Variants in ATP8B1 observed in about 807,000 individuals in gnomAD.
The protein encoded by ATP8B1 is phospholipid-transporting ATPase IC.
In ATP8B1, 80 loss-of-function variants were observed where a neutral mutation model predicts 149.9. The ratio of observed to expected loss-of-function variants is 0.53; its 90% confidence interval spans 0.45 to 0.64. ATP8B1 has a LOEUF of 0.64. Ranked by LOEUF, ATP8B1 falls within the 30% of genes least tolerant of loss-of-function variation. The probability of loss-of-function intolerance (pLI) is 0.00; values close to 1 mark genes in which losing one functional copy is unlikely to be tolerated. For missense variants in ATP8B1, 1,247 were observed against 1,552.6 expected (o/e 0.80, Z 3.31); for synonymous variants, 536 against 562.8 (o/e 0.95, Z 0.67).
chr18:57,772,379 T>C (rs2080270820), intron 1 of ATP8B1, among the ~76,000 whole-genome samples: 1 of 151,664 alleles, frequency 6.6e-6, no homozygotes, highest in African/African-American at 2.4e-5. Context: ...AGATAGAAAG[T>C]GAGAGGAGAA....
intron 1 of ATP8B1, among the ~76,000 whole-genome samples, chr18:57,756,291 G>GTATATATATATATA (rs1250184376): frequency 7.4e-4 from 20 of 27,176 alleles, no homozygotes; most frequent in African/African-American, 3.6e-3. Flanking sequence ...ATATATATGT[G>GTATATATATATATA]TGTGTGTATG....
rs775941339 is a variant in ATP8B1, at chr18:57,684,189, C to T, written c.1477G>A (p.Val493Ile). 5.6e-6 allele frequency: 9 copies of T among 1,613,562 alleles called. No homozygotes were observed. In the East Asian group the frequency reaches 2.0e-4, roughly 36 times the overall value. ...GCATATGTATTCCAGCTAAAATCAA[C>T]TTGCTGAAAGAAATGGAGAAAAACA... ...SQHNHNKIEQ[V>I]DFSWNTYADG... Residue 493 changes from valine to isoleucine, a missense_variant, in exon 15 of 28, where the codon GTT (valine) becomes ATT (isoleucine). Val to Ile is a conservative substitution (Grantham distance 29). This residue lies in a region of ATP8B1 where 853 missense variants were observed against 1,035.7 expected (regional missense o/e 0.82). Transcript: ENST00000648908.
At chr18:57,697,914 G>T (rs1369275414) in intron 6 of ATP8B1, 47 bp from the exon 7 acceptor site, 2 of 1,468,924 alleles carry the variant, frequency 1.4e-6, no homozygotes, top group Non-Finnish European at 1.9e-6. Flanking sequence ...TAAGTTACAG[G>T]CAAGGGAATT....
At position 57,688,479 on chromosome 18, in the gene ATP8B1, G is replaced by A. The variant is rs1342447276; in HGVS notation, c.1249C>T (p.His417Tyr). Residue 417 changes from histidine to tyrosine, a missense_variant, in exon 13 of 28, where the codon CAC (histidine) becomes TAC (tyrosine). Around this residue, in one of 3 missense-constraint regions of ATP8B1, gnomAD observed 853 missense variants for 1,035.7 expected, o/e 0.82. Coordinates refer to ENST00000648908, the MANE Select transcript of ATP8B1 (RefSeq NM_001374385.1). Reference protein sequence around the residue: ...SVEVIRLGQSHFINWDLQMYY... With the variant: ...SVEVIRLGQSYFINWDLQMYY... ...ATTTGCAGGTCCCAGTTGATGAAGT[G>A]ACTCTGTCCAAGACGAATCACTTCC... is the stretch of plus-strand genomic sequence containing the variant. 1 of 1,614,158 alleles carries A rather than the reference G, an allele frequency of 6.2e-7. No individual in the cohort carries two copies. Among genetic ancestry groups the A allele is most frequent in the South Asian group, 1.1e-5 (1 of 91,068 alleles).
Position 57,697,700 on chromosome 18 carries a change from A to G in ATP8B1, c.628-12T>C, listed in dbSNP as rs1200184031. 1.9e-6 allele frequency: 3 copies of G among 1,613,972 alleles called. No individual in the cohort carries two copies. The African/African-American group carries it at 4.0e-5, about 22-fold the overall frequency. Reference sequence around the variant, plus strand: ...AGGAGAATGTCAGCCTGTCCAAAACAAAACACACAAATAACACCGAGACCC... The same window carrying G: ...AGGAGAATGTCAGCCTGTCCAAAACGAAACACACAAATAACACCGAGACCC... On this transcript the variant is annotated splice_polypyrimidine_tract_variant and intron_variant, in intron 7 of 27. Coordinates refer to ENST00000648908, the MANE Select transcript of ATP8B1 (RefSeq NM_001374385.1).
At chr18:57,738,637 AAAT>A (rs965640432) in intron 1 of ATP8B1, among the ~76,000 whole-genome samples, 3 of 416 alleles carry the variant, frequency 7.2e-3, no homozygotes. Flanking sequence ...TAAATAAATA[AAAT>A]AAAATAAAAT....
Position 57,652,524 on chromosome 18 carries a change from A to G in ATP8B1, c.3221T>C (p.Val1074Ala). The G allele has an allele frequency of 6.2e-7, 1 of 1,614,212 alleles. No homozygotes were observed. Among genetic ancestry groups the G allele is most frequent in the South Asian group, 1.1e-5 (1 of 91,086 alleles). ...EAPSDYQSFAVTIASALVITV... is the reference protein window; with the variant it reads ...EAPSDYQSFAATIASALVITV... ...TATTACAAGAGCAGAGGCAATGGTG[A>G]CGGCAAAAGACTGGTAGTCGGAAGG... Residue 1074 changes from valine to alanine, a missense_variant, in exon 25 of 28, where the codon GTC becomes GCC. Coordinates refer to ENST00000648908, the MANE Select transcript of ATP8B1 (RefSeq NM_001374385.1).
At chr18:57,756,099 T>C (rs1001558267) in intron 1 of ATP8B1, among the ~76,000 whole-genome samples, 1 of 150,244 alleles carries the variant, frequency 6.7e-6, no homozygotes, top group Non-Finnish European at 1.5e-5. Flanking sequence ...ATGATGTCAG[T>C]TATAGTATTA....
At chr18:57,707,110 G>T (rs984961045) in intron 2 of ATP8B1, among the ~76,000 whole-genome samples, 5 of 152,196 alleles carry the variant, frequency 3.3e-5, no homozygotes, top group Admixed American at 2.0e-4. Context: ...TTCAAGACCA[G>T]CCTGGCCAAG....
chr18:57,701,097 G>T lies in ATP8B1; in HGVS notation c.496C>A (p.Arg166Ser). The change falls in exon 6 of 28, where the codon CGC (arginine) becomes AGC (serine). Residue 166 changes from arginine (R) to serine (S), a missense_variant. Around this residue, in one of 3 missense-constraint regions of ATP8B1, gnomAD observed 853 missense variants for 1,035.7 expected, o/e 0.82. Coordinates refer to ENST00000648908, the MANE Select transcript of ATP8B1 (RefSeq NM_001374385.1). Reference protein sequence around the residue: ...AIKDLVDDVARHKMDKEINNR... With the variant: ...AIKDLVDDVASHKMDKEINNR... Reference sequence around the variant, plus strand: ...TTGATTTCCTTATCCATTTTATGGCGAGCCTTGAGAAGGAAGATGGGGAAA... The same window carrying T: ...TTGATTTCCTTATCCATTTTATGGCTAGCCTTGAGAAGGAAGATGGGGAAA... 2 of 1,614,026 alleles carry T rather than the reference G, an allele frequency of 1.2e-6. No homozygotes were observed. Among genetic ancestry groups the T allele is most frequent in the Non-Finnish European group, 8.5e-7 (1 of 1,179,968 alleles).
chr18:57,774,608 A>T (rs9946508), intron 1 of ATP8B1, among the ~76,000 whole-genome samples: 4,177 of 152,074 alleles, frequency 0.027, 182 homozygotes, highest in African/African-American at 0.096. Context: ...AAAAATAAAT[A>T]AAATTTATTT....
intron 19 of ATP8B1, chr18:57,668,173 T>C: frequency 2.1e-6 from 3 of 1,409,644 alleles, no homozygotes; most frequent in Non-Finnish European, 2.8e-6. Flanking sequence ...GCTGGAGAGA[T>C]AAGACCAATT....
intron 2 of ATP8B1, among the ~76,000 whole-genome samples, chr18:57,729,163 C>G (rs1040870823): frequency 6.6e-6 from 1 of 152,092 alleles, no homozygotes; most frequent in Non-Finnish European, 1.5e-5. Context: ...GAGTTTCCAC[C>G]CACTACATGC....
At chr18:57,719,742 C>T (rs1365425568) in intron 2 of ATP8B1, among the ~76,000 whole-genome samples, 1 of 152,224 alleles carries the variant, frequency 6.6e-6, no homozygotes, top group Non-Finnish European at 1.5e-5. Flanking sequence ...GAAGCTCGAA[C>T]TGGGTGGAGC....
intron 4 of ATP8B1, among the ~76,000 whole-genome samples, chr18:57,702,369 T>G (rs1397848097): frequency 6.6e-6 from 1 of 152,192 alleles, no homozygotes; most frequent in East Asian, 1.9e-4. Flanking sequence ...CAAGTCTTGG[T>G]CAGCTCTATC....
chr18:57,788,555 C>CAA lies in ATP8B1; in HGVS notation c.-26+14441_-26+14442dup, dbSNP rs111696334. Among the ~76,000 whole-genome samples, 764 of 138,358 alleles carry CAA rather than the reference C, an allele frequency of 5.5e-3. 5 individuals carry two copies. The highest frequency in any genetic ancestry group is 9.6e-3 in the African/African-American group (365 of 38,096). 90.8% of individuals were successfully genotyped at this position (138,358 alleles called of 152,430 possible). The stretch of plus-strand genomic sequence containing the variant: ...GGGTGACAGAGTGAGACTCTTATCT[C>CAA]AAAAAAAAAAAAGAAAGAAAGGAAA... On this transcript the variant is annotated intron_variant, in intron 1 of 27. Transcript: ENST00000648908.
rs571056550 is a variant in ATP8B1, at chr18:57,670,862, A to G, written c.1932+606T>C. ...GCTGGGATTACAGGTGCCCACCACC[A>G]CACCCAGTTAATTTTTTTGTATTTT... On this transcript the variant is annotated intron_variant, in intron 17 of 27. Coordinates refer to ENST00000648908, the MANE Select transcript of ATP8B1 (RefSeq NM_001374385.1). 1.1e-3 allele frequency among the ~76,000 whole-genome samples: 163 copies of G among 151,470 alleles called. 1 individual carries two copies. The highest frequency in any genetic ancestry group is 3.5e-3 in the Middle Eastern group (1 of 282).
At chr18:57,709,560 ATTTAT>A (rs1165456334) in intron 2 of ATP8B1, among the ~76,000 whole-genome samples, 2 of 152,304 alleles carry the variant, frequency 1.3e-5, no homozygotes, top group African/African-American at 2.4e-5. Flanking sequence ...TTGAGCAAAT[ATTTAT>A]TTTAAGTGTC....
At chr18:57,726,053 C>T (rs1040951859) in intron 2 of ATP8B1, among the ~76,000 whole-genome samples, 1 of 152,080 alleles carries the variant, frequency 6.6e-6, no homozygotes, top group South Asian at 2.1e-4. Context: ...CATGGTGAAA[C>T]CCTGTCTCTA....
Sources: gnomAD v4.1 joint callset for allele counts (sites outside exome capture counted in the v4.1 genomes callset) on GRCh38, gnomAD v4.1.1 for gene constraint, gnomAD v4.1.1 regional missense constraint, MANE v1.5 for transcripts, NCBI Gene and HGNC (gene_info 2026-07-23, HGNC 2026-07-21) for gene names.